Variants in UMODL1 observed in about 807,000 individuals in gnomAD.
UMODL1 encodes uromodulin-like 1.
Under a neutral mutation model 136.3 loss-of-function variants are expected in UMODL1, and 128 were observed. The observed-to-expected ratio is 0.94, with a 90% CI of 0.81 to 1.09. The LOEUF (loss-of-function observed/expected upper bound fraction) is 1.09. UMODL1 is among the 50% of genes least tolerant of loss of function. The probability of loss-of-function intolerance (pLI) is 0.00; values close to 1 mark genes in which losing one functional copy is unlikely to be tolerated. For missense variants in UMODL1, 1,766 were observed against 1,725.6 expected (o/e 1.02, Z -0.41); for synonymous variants, 721 against 720.0 (o/e 1.00, Z -0.02).
chr21:42,121,035 A>G, intron 15 of UMODL1, 52 bp from the exon 16 acceptor site: 1 of 1,572,850 alleles, frequency 6.4e-7, no homozygotes, highest in Non-Finnish European at 8.6e-7. Context: ...CTGCTGTGAG[A>G]CCACAAGCCC....
chr21:42,114,126 A>G (rs908681701), intron 13 of UMODL1, among the ~76,000 whole-genome samples: 2 of 152,228 alleles, frequency 1.3e-5, no homozygotes, highest in African/African-American at 2.4e-5. Context: ...GGGAGGCAGC[A>G]TGGAAAATGC....
chr21:42,114,146 T>C (rs2066874736), intron 13 of UMODL1, among the ~76,000 whole-genome samples: 1 of 152,214 alleles, frequency 6.6e-6, no homozygotes, highest in African/African-American at 2.4e-5. Context: ...CATGCGGTGC[T>C]CATCTGTTGA....
chr21:42,076,070 G>A lies in UMODL1; in HGVS notation c.142G>A (p.Val48Met). The change falls in exon 2 of 23, where the codon GTG becomes ATG. Residue 48 changes from valine (V) to methionine (M), a missense_variant. By Grantham distance (21) the Val-to-Met change is conservative. Transcript: ENST00000408910. ...SHRVTHTVQK[V>M]EAVQTSYTSY... ...CCGTGTGACCCACACTGTACAGAAG[G>A]TGGAGGCCGTGCAGACGTCCTACAC... The A allele has an allele frequency of 6.2e-7, 1 of 1,614,262 alleles. No individual in the cohort carries two copies. Among genetic ancestry groups the A allele is most frequent in the Non-Finnish European group, 8.5e-7 (1 of 1,180,042 alleles).
intron 6 of UMODL1, among the ~76,000 whole-genome samples, chr21:42,094,256 A>G (rs2066527200): frequency 6.6e-6 from 1 of 152,208 alleles, no homozygotes; most frequent in South Asian, 2.1e-4. Flanking sequence ...CAGTGTTTCC[A>G]GATCAGCAGT....
At position 42,126,426 on chromosome 21, in the gene UMODL1, AG is replaced by A. The variant is rs1569174590; in HGVS notation, c.3230del (p.Ser1077ThrfsTer12). 1.2e-6 allele frequency: 2 copies of A among 1,614,216 alleles called. No individual in the cohort carries two copies. Among genetic ancestry groups the A allele is most frequent in the South Asian group, 2.2e-5 (2 of 91,080 alleles). Reference sequence around the variant, plus strand: ...CATCATCCACCACCTGAAGATCCTGAGCCCCATCTACTGCGCCTTCCAGAAT... The same window carrying A: ...CATCATCCACCACCTGAAGATCCTGACCCCATCTACTGCGCCTTCCAGAAT... ...EGIIHHLKIL[S>X]PIYCAFQNDL... is the part of the protein sequence containing the mutation. On this transcript the variant is annotated frameshift_variant, in exon 18 of 23. Transcript: ENST00000408910. LOFTEE classifies it high-confidence loss of function.
intron 6 of UMODL1, among the ~76,000 whole-genome samples, chr21:42,091,192 G>A (rs560212115): frequency 7.9e-5 from 12 of 152,362 alleles, no homozygotes; most frequent in Admixed American, 5.2e-4. Flanking sequence ...ATGGAAGCAT[G>A]CAGAAGCAGG....
At chr21:42,083,979 T>C in intron 2 of UMODL1, 105 bp from the exon 3 acceptor site, 1 of 1,416,440 alleles carries the variant, frequency 7.1e-7, no homozygotes, top group South Asian at 1.3e-5. Flanking sequence ...GCCACAGACC[T>C]ACAGGCAGAA....
intron 21 of UMODL1, among the ~76,000 whole-genome samples, chr21:42,130,458 A>G (rs1179004483): frequency 6.6e-6 from 1 of 151,476 alleles, no homozygotes; most frequent in African/African-American, 2.4e-5. Flanking sequence ...TTTGGGGAAA[A>G]TTGTGTGCTT....
At chr21:42,074,909 T>G (rs71320507) in intron 1 of UMODL1, among the ~76,000 whole-genome samples, 2 of 147,470 alleles carry the variant, frequency 1.4e-5, no homozygotes, top group African/African-American at 5.0e-5. Context: ...TTTATTTTTG[T>G]TTTTTTTTTC....
chr21:42,113,814 T>A lies in UMODL1; in HGVS notation c.2346T>A (p.His782Gln). 1 of 1,613,462 alleles carries A rather than the reference T, an allele frequency of 6.2e-7. No homozygotes were observed. The highest frequency in any genetic ancestry group is 8.5e-7 in the Non-Finnish European group (1 of 1,179,700). Reference sequence around the variant, plus strand: ...GTGGGAAAGAAGGTGCCAGAGCTCATCTGAAAGTGAGGACAGGTAATGGGC... The same window carrying A: ...GTGGGAAAGAAGGTGCCAGAGCTCAACTGAAAGTGAGGACAGGTAATGGGC... ...KACGKEGARA[H>Q]LKVRTAARKL... is the part of the protein sequence containing the mutation. The change falls in exon 13 of 23, where the codon CAT becomes CAA. Residue 782 changes from histidine to glutamine, a missense_variant. His to Gln is a conservative substitution (Grantham distance 24, BLOSUM62 0). Transcript: ENST00000408910.
rs755574855 is a variant in UMODL1 at position 42,084,123 on chromosome 21, CCTGCCCCGCAGA to C, written c.360_371del (p.Cys121_Glu124del). 1.8e-5 allele frequency: 29 copies of C among 1,614,008 alleles called. No individual in the cohort carries two copies. In the African/African-American group the frequency reaches 1.9e-4, roughly 10 times the overall value. Reference sequence around the variant, plus strand: ...GGGCAGTTCACGTCAAGACCTGGGGCCTGCCCCGCAGAGGGGCCTGAACCATCCACCTCCCCC... The same window carrying C: ...GGGCAGTTCACGTCAAGACCTGGGGCGGGGCCTGAACCATCCACCTCCCCC... On this transcript the variant is annotated inframe_deletion, in exon 3 of 23. Transcript: ENST00000408910.
rs1194713547 is a variant in UMODL1 at position 42,111,108 on chromosome 21, G to A, written c.1886G>A (p.Gly629Asp). The A allele has an allele frequency of 1.2e-6, 2 of 1,610,836 alleles. No individual in the cohort carries two copies. Among genetic ancestry groups the A allele is most frequent in the Non-Finnish European group, 1.7e-6 (2 of 1,178,802 alleles). The change falls in exon 11 of 23, where the codon GGC (glycine) becomes GAC (aspartate). Residue 629 changes from glycine (G) to aspartate (D), a missense_variant. Transcript: ENST00000408910. ...VGYDRNNTGK[G>D]VEQELQGNSI... ...TATGACAGGAACAACACAGGAAAAGGCGTGGAGCAGGAGGTGCCCAGCACT... is the reference window on the plus strand; with the variant it reads ...TATGACAGGAACAACACAGGAAAAGACGTGGAGCAGGAGGTGCCCAGCACT...
rs1006563699 is a variant in UMODL1 at position 42,130,500 on chromosome 21, C to T, written c.3775+703C>T. The stretch of plus-strand genomic sequence containing the variant: ...TTAAGAGAGAAACCGCTAGTTGTCC[C>T]GTAGTATCTGTTCTCCTCCCCTTTC... On this transcript the variant is annotated intron_variant, in intron 21 of 22. Coordinates refer to ENST00000408910, the MANE Select transcript of UMODL1 (RefSeq NM_001004416.3). Among the ~76,000 whole-genome samples the T allele has an allele frequency of 2.1e-4, 30 of 145,748 alleles. 1 individual carries two copies. The highest frequency in any genetic ancestry group is 3.9e-4 in the Non-Finnish European group (25 of 63,616).
At chr21:42,087,347 A>G (rs976423434) in intron 4 of UMODL1, among the ~76,000 whole-genome samples, 1 of 152,034 alleles carries the variant, frequency 6.6e-6, no homozygotes, top group Non-Finnish European at 1.5e-5. Flanking sequence ...AGGGGCTTCA[A>G]GTGTGTATCG....
At chr21:42,127,508 A>G (rs1219874164) in intron 19 of UMODL1, among the ~76,000 whole-genome samples, 164 bp from the exon 20 acceptor site, 1 of 152,174 alleles carries the variant, frequency 6.6e-6, no homozygotes, top group African/African-American at 2.4e-5. Flanking sequence ...GAGTGCTGTC[A>G]TGGACCTGGG....
At chr21:42,089,935 G>A (rs1443782378) in intron 5 of UMODL1, among the ~76,000 whole-genome samples, 1 of 152,210 alleles carries the variant, frequency 6.6e-6, no homozygotes, top group Non-Finnish European at 1.5e-5. Flanking sequence ...TTCCTTGTTG[G>A]CGCAGAAAAC....
Position 42,111,663 on chromosome 21 carries a change from A to G in UMODL1, c.2057A>G (p.Asp686Gly). 6.2e-7 allele frequency: 1 copy of G among 1,613,130 alleles called. No individual in the cohort carries two copies. The highest frequency in any genetic ancestry group is 8.5e-7 in the Non-Finnish European group (1 of 1,179,822). ...NEDSGPSGSV[D>G]LPLTSTLTAL... is the part of the protein sequence containing the mutation. ...GACAGTGGACCCTCCGGTTCTGTAG[A>G]CCTGCCATTGACCTCCACCCTCACA... is the stretch of plus-strand genomic sequence containing the variant. The change falls in exon 12 of 23, where the codon GAC becomes GGC. Residue 686 changes from aspartate (D) to glycine (G), a missense_variant. Coordinates refer to ENST00000408910, the MANE Select transcript of UMODL1 (RefSeq NM_001004416.3).
At chr21:42,062,881 C>T (rs2066153129), upstream of UMODL1, 1 of 152,296 alleles carries the variant, frequency 6.6e-6, no homozygotes, top group South Asian at 2.1e-4. Flanking sequence ...CAAAGAACCA[C>T]AGGCTGGGAG....
intron 22 of UMODL1, 74 bp from the exon 23 acceptor site, chr21:42,142,022 C>T (rs1345002315): frequency 1.3e-5 from 2 of 152,314 alleles, no homozygotes; most frequent in Non-Finnish European, 2.9e-5. Flanking sequence ...ACTACCCCTC[C>T]TCCTGGGGTT....
Sources: allele counts gnomAD v4.1 joint callset (sites outside exome capture counted in the v4.1 genomes callset), GRCh38; gene constraint gnomAD v4.1.1; transcripts MANE v1.5; gene names NCBI Gene and HGNC (gene_info 2026-07-23, HGNC 2026-07-21).